The following RAD50 variants were observed in gnomAD, a reference collection of about 807,000 sequenced individuals.
RAD50 encodes RAD50 double strand break repair protein.
A neutral mutation model predicts 168.8 loss-of-function variants in RAD50; 132 were observed. The observed-to-expected ratio is 0.78, with a 90% CI of 0.68 to 0.90. RAD50 has a LOEUF of 0.90. RAD50 is among the 40% of genes least tolerant of loss of function. The pLI is 0.00. For synonymous variants in RAD50, 525 were observed against 497.4 expected (o/e 1.06, Z -0.74); for missense variants, 1,347 against 1,534.4 (o/e 0.88, Z 2.04).
At position 132,643,740 on chromosome 5, in the gene RAD50, A is replaced by C. The variant is rs1186211396; in HGVS notation, c.*1376A>C. 2 of 226,824 alleles carry C rather than the reference A, an allele frequency of 8.8e-6. No individual in the cohort carries two copies. Among genetic ancestry groups the C allele is most frequent in the Non-Finnish European group, 1.8e-5 (2 of 114,086 alleles). 14.1% of individuals were successfully genotyped at this position (226,824 alleles called of 1,614,324 possible). Reference sequence around the variant, plus strand: ...GGTGGTGGGGTGGGGGGGGGTCCTAAATGTAATCACGAGTAAGATTAAGAG... The same window carrying C: ...GGTGGTGGGGTGGGGGGGGGTCCTACATGTAATCACGAGTAAGATTAAGAG... On this transcript the variant is annotated 3_prime_UTR_variant, in exon 25 of 25. Transcript: ENST00000378823.
chr5:132,585,589 T>G (rs1750581860), intron 5 of RAD50, among the ~76,000 whole-genome samples: 1 of 140,494 alleles, frequency 7.1e-6, no homozygotes, highest in Non-Finnish European at 1.5e-5. Context: ...GCTGTGAGAG[T>G]TCTTTTTTTT....
At chr5:132,619,667 T>G (rs1280477891) in intron 21 of RAD50, among the ~76,000 whole-genome samples, 1 of 151,970 alleles carries the variant, frequency 6.6e-6, no homozygotes, top group Non-Finnish European at 1.5e-5. Flanking sequence ...AACATTATGC[T>G]TATCTTTTTT....
intron 21 of RAD50, among the ~76,000 whole-genome samples, chr5:132,633,096 T>A (rs1476109147): frequency 7.1e-6 from 1 of 140,568 alleles, no homozygotes; most frequent in African/African-American, 2.9e-5. Flanking sequence ...CTTTCGTTTT[T>A]TCTTTTTTTT....
chr5:132,602,166 G>T (rs183349578), intron 13 of RAD50, among the ~76,000 whole-genome samples: 33 of 152,012 alleles, frequency 2.2e-4, no homozygotes, highest in Non-Finnish European at 2.6e-4. Context: ...AAAACTATAG[G>T]TCTGTTGCCA....
intron 21 of RAD50, among the ~76,000 whole-genome samples, chr5:132,623,594 CCTTT>C (rs1389685310): frequency 3.3e-5 from 5 of 151,950 alleles, no homozygotes; most frequent in South Asian, 2.1e-4. Flanking sequence ...TAGGGATTTC[CCTTT>C]CTTTCTTGTG....
intron 21 of RAD50, among the ~76,000 whole-genome samples, chr5:132,620,023 G>A (rs557930324): frequency 2.8e-4 from 42 of 150,986 alleles, no homozygotes; most frequent in African/African-American, 9.2e-4. Flanking sequence ...TCCTGCCTCA[G>A]CCTCCTGAGT....
intron 22 of RAD50, 180 bp from the exon 23 acceptor site, chr5:132,637,901 C>T: frequency 2.9e-6 from 2 of 682,554 alleles, no homozygotes; most frequent in Admixed American, 2.7e-5. Context: ...TGGGTTGCTT[C>T]TGGCCAGACC....
chr5:132,621,700 G>A (rs1751289038), intron 21 of RAD50, among the ~76,000 whole-genome samples: 1 of 152,020 alleles, frequency 6.6e-6, no homozygotes, highest in African/African-American at 2.4e-5. Flanking sequence ...TTTTTTGTTG[G>A]CCTCTATGGT....
In RAD50 at chr5:132,638,239, G is replaced by T. The variant is rs778929913; in HGVS notation, c.3618+16G>T. The T allele has an allele frequency of 6.2e-7, 1 of 1,614,026 alleles. No homozygotes were observed. ...TGGACAAAAGGCAGGTATCTCAAAA[G>T]CCTGGGGAGCCAACTCACCCAAGTA... On this transcript the variant is annotated intron_variant, in intron 23 of 24. Coordinates refer to ENST00000378823, the MANE Select transcript of RAD50 (RefSeq NM_005732.4).
chr5:132,578,419 A>G (rs1019397918), intron 3 of RAD50, among the ~76,000 whole-genome samples: 3 of 150,030 alleles, frequency 2.0e-5, no homozygotes, highest in African/African-American at 7.4e-5. Context: ...CCAAGCTACC[A>G]TTGTCTTTCC....
intron 5 of RAD50, among the ~76,000 whole-genome samples, chr5:132,584,496 A>G (rs537785132): frequency 2.0e-5 from 3 of 152,306 alleles, no homozygotes; most frequent in South Asian, 2.1e-4. Context: ...TTTGCTGTGC[A>G]GAAGCTCTTT....
chr5:132,557,568 A>G (rs1750027476), intron 1 of RAD50, 115 bp downstream of exon 1: 2 of 1,463,646 alleles, frequency 1.4e-6, no homozygotes, highest in Non-Finnish European at 1.9e-6. Context: ...CCACAGGTGT[A>G]GGCCCTTAAA....
chr5:132,602,506 A>G (rs1750905919), intron 13 of RAD50, among the ~76,000 whole-genome samples: 1 of 152,206 alleles, frequency 6.6e-6, no homozygotes, highest in Non-Finnish European at 1.5e-5. Context: ...TTTGTACCTT[A>G]AACCCATGTA....
chr5:132,609,152 T>C lies in RAD50; in HGVS notation c.2865T>C (p.His955=), dbSNP rs878854794. Residue 955 remains histidine (H), a synonymous_variant, in exon 18 of 25, where the codon CAT becomes CAC. Coordinates refer to ENST00000378823, the MANE Select transcript of RAD50 (RefSeq NM_005732.4). ...NDIKEKVKNI[H]GYMKDIENYI... is the part of the protein sequence containing the mutation. ...TTAAAGAGAAGGTTAAAAATATTCA[T>C]GGCTATATGAAAGACATTGAGAATT... is the stretch of plus-strand genomic sequence containing the variant. 18 of 1,612,012 alleles carry C rather than the reference T, an allele frequency of 1.1e-5. No homozygotes were observed. The highest frequency in any genetic ancestry group is 1.4e-5 in the Non-Finnish European group (17 of 1,179,102).
intron 2 of RAD50, among the ~76,000 whole-genome samples, chr5:132,571,158 C>G (rs1372606841): frequency 6.6e-6 from 1 of 152,152 alleles, no homozygotes; most frequent in Non-Finnish European, 1.5e-5. Context: ...TATCACAGAT[C>G]ACTATAACAG....
rs151178108 is a variant in RAD50 at position 132,628,574 on chromosome 5, G to T, written c.3390-8541G>T. 5.0e-3 allele frequency among the ~76,000 whole-genome samples: 756 copies of T among 152,072 alleles called. 2 individuals carry two copies. The highest frequency in any genetic ancestry group is 8.1e-3 in the Non-Finnish European group (551 of 67,958). On this transcript the variant is annotated intron_variant, in intron 21 of 24. Transcript: ENST00000378823. The stretch of plus-strand genomic sequence containing the variant: ...AGAAATGGAGACAGCAGCCGGGCAC[G>T]GTGGCTCACACCTGTAATCCCAGCA...
At chr5:132,586,707 A>C (rs1312651730) in intron 5 of RAD50, among the ~76,000 whole-genome samples, 1 of 152,148 alleles carries the variant, frequency 6.6e-6, no homozygotes, top group Non-Finnish European at 1.5e-5. Context: ...TGTTAGTTTA[A>C]AATTAGGTTC....
intron 7 of RAD50, 59 bp from the exon 8 acceptor site, chr5:132,588,628 C>T (rs2149840938): frequency 6.8e-7 from 1 of 1,468,344 alleles, no homozygotes; most frequent in Non-Finnish European, 9.4e-7. Context: ...GAATCTGCAG[C>T]TATCTCAACT....
At chr5:132,568,558 A>G (rs904990552) in intron 2 of RAD50, among the ~76,000 whole-genome samples, 3 of 152,226 alleles carry the variant, frequency 2.0e-5, no homozygotes, top group Non-Finnish European at 4.4e-5. Flanking sequence ...AAATTGTTCA[A>G]AACTAAATAT....
Sources: gnomAD v4.1 joint callset for allele counts (sites outside exome capture counted in the v4.1 genomes callset) on GRCh38, gnomAD v4.1.1 for gene constraint, MANE v1.5 for transcripts, NCBI Gene and HGNC (gene_info 2026-07-23, HGNC 2026-07-21) for gene names.